Variants in PLCXD3 observed in about 807,000 individuals in gnomAD.
PLCXD3 encodes PI-PLC X domain-containing protein 3.
In PLCXD3, 19 loss-of-function variants were observed where a neutral mutation model predicts 25.5. The ratio of observed to expected loss-of-function variants is 0.75; its 90% CI spans 0.52 to 1.09. PLCXD3 has a LOEUF of 1.09. Ranked by LOEUF, PLCXD3 falls within the 50% of genes least tolerant of loss-of-function variation. PLCXD3 has a pLI of 0.00. For missense variants in PLCXD3, 411 were observed against 388.1 expected, an observed-to-expected ratio of 1.06 and a Z score of -0.50; for synonymous variants, 174 against 137.6, an observed-to-expected ratio of 1.26 and a Z score of -1.85.
chr5:41,487,859 A>G (rs1381396652), intron 1 of PLCXD3, among the ~76,000 whole-genome samples: 2 of 152,094 alleles, frequency 1.3e-5, no homozygotes, highest in African/African-American at 2.4e-5. Context: ...AAAATAGACA[A>G]GAACCAATAA....
chr5:41,381,511 T>TGATGCATG (rs1745460526), intron 2 of PLCXD3, among the ~76,000 whole-genome samples: 3 of 151,140 alleles, frequency 2.0e-5, no homozygotes, highest in Admixed American at 6.6e-5. Context: ...GAGACTGGAG[T>TGATGCATG]GATGCATGTA....
Position 41,501,809 on chromosome 5 carries a change from A to G in PLCXD3, c.103+8615T>C, listed in dbSNP as rs1417371827. On this transcript the variant is annotated intron_variant, in intron 1 of 2. Coordinates refer to ENST00000377801, the MANE Select transcript of PLCXD3 (RefSeq NM_001005473.3). Reference sequence around the variant, plus strand: ...CAATGTTGCTGAAATGTCAAATAAGATGATAGAGAATTAACCATTACCTTT... The same window carrying G: ...CAATGTTGCTGAAATGTCAAATAAGGTGATAGAGAATTAACCATTACCTTT... Among the ~76,000 whole-genome samples the G allele has an allele frequency of 2.0e-5, 3 of 152,248 alleles. No individual in the cohort carries two copies. The East Asian group carries it at 5.8e-4, about 29-fold the overall frequency.
chr5:41,397,578 G>A lies in PLCXD3; in HGVS notation c.104-15044C>T, dbSNP rs144068177. ...AATGTGGGGTTGGAGCCACGACACAGAGTCCCCACTGGGGCACTGCCTAGT... is the reference window on the plus strand; with the variant it reads ...AATGTGGGGTTGGAGCCACGACACAAAGTCCCCACTGGGGCACTGCCTAGT... On this transcript the variant is annotated intron_variant, in intron 1 of 2. Transcript: ENST00000377801. 4.6e-3 allele frequency among the ~76,000 whole-genome samples: 706 copies of A among 152,324 alleles called. 9 individuals carry two copies. Among genetic ancestry groups the A allele is most frequent in the African/African-American group, 0.016 (671 of 41,584 alleles).
intron 1 of PLCXD3, among the ~76,000 whole-genome samples, chr5:41,392,386 AAAGT>A (rs1417552665): frequency 1.3e-5 from 2 of 152,196 alleles, no homozygotes; most frequent in Non-Finnish European, 2.9e-5. Flanking sequence ...TATTTGGGAT[AAAGT>A]AAGAGAAGAG....
chr5:41,409,758 C>A (rs1336489126), intron 1 of PLCXD3, among the ~76,000 whole-genome samples: 1 of 152,168 alleles, frequency 6.6e-6, no homozygotes, highest in Admixed American at 6.5e-5. Flanking sequence ...ATATTTGTTG[C>A]ATGAAATAAT....
intron 1 of PLCXD3, among the ~76,000 whole-genome samples, chr5:41,472,566 TA>T (rs1319842996): frequency 2.6e-5 from 4 of 152,238 alleles, no homozygotes; most frequent in Non-Finnish European, 5.9e-5. Flanking sequence ...ATAATTAAAG[TA>T]GGCACTTAAA....
At chr5:41,491,883 T>A (rs1748705981) in intron 1 of PLCXD3, among the ~76,000 whole-genome samples, 1 of 152,188 alleles carries the variant, frequency 6.6e-6, no homozygotes, top group Admixed American at 6.5e-5. Flanking sequence ...CTTGACTCTT[T>A]ATCGCATTTG....
chr5:41,486,214 C>G (rs1346122824), intron 1 of PLCXD3, among the ~76,000 whole-genome samples: 3 of 151,958 alleles, frequency 2.0e-5, no homozygotes, highest in African/African-American at 7.3e-5. Context: ...TGAATCTTCC[C>G]TGTGTTTCTG....
rs1739037558 is a variant in PLCXD3, at chr5:41,510,596, T to C, written c.-70A>G. ...CAGGCTGGCAGGCTGCTGCCGCTAATCCAATGTTTGCTCTAGCCCCGCTAG... is the reference window on the plus strand; with the variant it reads ...CAGGCTGGCAGGCTGCTGCCGCTAACCCAATGTTTGCTCTAGCCCCGCTAG... On this transcript the variant is annotated 5_prime_UTR_variant, in exon 1 of 3. Transcript: ENST00000377801. The C allele has an allele frequency of 1.6e-6, 2 of 1,253,256 alleles. No homozygotes were observed. The highest frequency in any genetic ancestry group is 1.5e-5 in the African/African-American group (1 of 66,988). 77.6% of individuals were successfully genotyped at this position (1,253,256 alleles called of 1,614,324 possible).
Position 41,309,316 on chromosome 5 carries a change from CTG to C in PLCXD3, c.*4299_*4300del, listed in dbSNP as rs1743071032. The stretch of plus-strand genomic sequence containing the variant: ...AAACAATTTAGAGCATTATTTAAAA[CTG>C]TATGTAACACAGGAGCCACCAATAA... On this transcript the variant is annotated 3_prime_UTR_variant, in exon 3 of 3. Coordinates refer to ENST00000377801, the MANE Select transcript of PLCXD3 (RefSeq NM_001005473.3). 1 of 152,524 alleles carries C rather than the reference CTG, an allele frequency of 6.6e-6. No homozygotes were observed. The highest frequency in any genetic ancestry group is 1.5e-5 in the Non-Finnish European group (1 of 67,994). 9.4% of individuals were successfully genotyped at this position (152,524 alleles called of 1,614,324 possible).
chr5:41,340,480 C>T (rs115443373), intron 2 of PLCXD3, among the ~76,000 whole-genome samples: 1 of 152,138 alleles, frequency 6.6e-6, no homozygotes, highest in Non-Finnish European at 1.5e-5. Flanking sequence ...CCACTCCACA[C>T]TGGAAATTTT....
intron 1 of PLCXD3, among the ~76,000 whole-genome samples, chr5:41,428,163 T>C (rs1288574324): frequency 6.6e-6 from 1 of 152,168 alleles, no homozygotes; most frequent in Non-Finnish European, 1.5e-5. Flanking sequence ...AGCCAGTTCC[T>C]CTGGCATTCA....
At chr5:41,402,431 G>A (rs1410905495) in intron 1 of PLCXD3, among the ~76,000 whole-genome samples, 1 of 151,008 alleles carries the variant, frequency 6.6e-6, no homozygotes, top group Non-Finnish European at 1.5e-5. Context: ...CTTCATTTTT[G>A]TCAGAGAACA....
chr5:41,470,047 C>A (rs1353898383), intron 1 of PLCXD3, among the ~76,000 whole-genome samples: 1 of 152,146 alleles, frequency 6.6e-6, no homozygotes, highest in Non-Finnish European at 1.5e-5. Context: ...TGATCCAGAC[C>A]AGCAGCTCTG....
At chr5:41,471,597 G>A (rs576794410) in intron 1 of PLCXD3, among the ~76,000 whole-genome samples, 2 of 152,122 alleles carry the variant, frequency 1.3e-5, no homozygotes, top group East Asian at 3.9e-4. Flanking sequence ...CCAATTAGAA[G>A]GAAAGGATGT....
chr5:41,432,058 C>G (rs1747122466), intron 1 of PLCXD3, among the ~76,000 whole-genome samples: 1 of 152,144 alleles, frequency 6.6e-6, no homozygotes, highest in Non-Finnish European at 1.5e-5. Context: ...GGCCTTCCAT[C>G]TTGGAGACAA....
At chr5:41,366,910 G>A (rs764871359) in intron 2 of PLCXD3, among the ~76,000 whole-genome samples, 9 of 152,098 alleles carry the variant, frequency 5.9e-5, no homozygotes, top group South Asian at 2.1e-4. Flanking sequence ...CTGTCCATGC[G>A]TTTATTTGCT....
chr5:41,357,189 C>G (rs989462581), intron 2 of PLCXD3, among the ~76,000 whole-genome samples: 1 of 152,198 alleles, frequency 6.6e-6, no homozygotes, highest in Non-Finnish European at 1.5e-5. Context: ...TCAACAGTAA[C>G]CAGCTAGCCT....
chr5:41,382,938 G>A (rs868122944), intron 1 of PLCXD3, among the ~76,000 whole-genome samples: 1 of 152,022 alleles, frequency 6.6e-6, no homozygotes, highest in Non-Finnish European at 1.5e-5. Flanking sequence ...TTGATTTTGG[G>A]TTGATTTTAA....
Sources: gnomAD v4.1 joint callset for allele counts (sites outside exome capture counted in the v4.1 genomes callset) on GRCh38, gnomAD v4.1.1 for gene constraint, MANE v1.5 for transcripts, NCBI Gene and HGNC (gene_info 2026-07-23, HGNC 2026-07-21) for gene names.